The following SYNPO2 variants were observed in gnomAD, a reference collection of about 807,000 sequenced individuals.
The protein encoded by SYNPO2 is synaptopodin-2.
A neutral mutation model predicts 85.0 loss-of-function variants in SYNPO2; 56 were observed. The ratio of observed to expected loss-of-function variants is 0.66; its 90% confidence interval spans 0.53 to 0.82. The LOEUF (loss-of-function observed/expected upper bound fraction) is 0.82. SYNPO2 is among the 40% of genes least tolerant of loss of function. SYNPO2 has a pLI of 0.00. For missense variants in SYNPO2, 1,575 were observed against 1,534.2 expected (o/e 1.03, Z -0.44); for synonymous variants, 602 against 591.1 (o/e 1.02, Z -0.27).
rs1240324536 is a variant in SYNPO2 at position 118,900,422 on chromosome 4, C to A, written c.105+11281C>A. ...GTATTTTAAGGATTTGCAAGAGATA[C>A]CATTGGAACCTCAGTGGTACAAATG... On this transcript the variant is annotated intron_variant, in intron 1 of 4. Transcript: ENST00000307142. 6.6e-5 allele frequency among the ~76,000 whole-genome samples: 10 copies of A among 152,102 alleles called. No homozygotes were observed. The East Asian group carries it at 1.7e-3, about 26-fold the overall frequency.
chr4:119,003,429 A>C (rs1736896519), intron 1 of SYNPO2, among the ~76,000 whole-genome samples: 1 of 152,224 alleles, frequency 6.6e-6, no homozygotes, highest in African/African-American at 2.4e-5. Context: ...GTGGGAACAC[A>C]GAGCCAAACC....
intron 1 of SYNPO2, among the ~76,000 whole-genome samples, chr4:119,001,348 A>C (rs1736817250): frequency 6.6e-6 from 1 of 152,226 alleles, no homozygotes; most frequent in Non-Finnish European, 1.5e-5. Context: ...TTAGATACTG[A>C]CTTCTAGACT....
intron 4 of SYNPO2, chr4:119,033,791 T>C: frequency 1.0e-6 from 1 of 984,622 alleles, no homozygotes. Flanking sequence ...CTGATCTAAA[T>C]AATTTCTCTG....
rs373608479 is a variant in SYNPO2, at chr4:119,030,428, C to G, written c.1653C>G (p.Ser551Arg). Reference sequence around the variant, plus strand: ...CGGTAAGAACGCAGAGCTCTGTGAGCAAAAGCTACATCGAGGTGAGTCATG... The same window carrying G: ...CGGTAAGAACGCAGAGCTCTGTGAGGAAAAGCTACATCGAGGTGAGTCATG... ...EESVRTQSSV[S>R]KSYIEVSHGL... The change falls in exon 4 of 5, where the codon AGC (serine) becomes AGG (arginine). Residue 551 changes from serine (S) to arginine (R), a missense_variant. Transcript: ENST00000307142. 31 of 1,614,140 alleles carry G rather than the reference C, an allele frequency of 1.9e-5. No individual in the cohort carries two copies. In the African/African-American group the frequency reaches 3.9e-4, roughly 20 times the overall value.
At chr4:119,033,627 A>T in intron 4 of SYNPO2, 5 of 985,436 alleles carry the variant, frequency 5.1e-6, no homozygotes, top group Non-Finnish European at 6.0e-6. Context: ...GGTACACAGT[A>T]CCATTTTAAT....
At chr4:118,862,942 C>G (rs1454781167) in intron 1 of SYNPO2, among the ~76,000 whole-genome samples, 1 of 152,084 alleles carries the variant, frequency 6.6e-6, no homozygotes, top group Non-Finnish European at 1.5e-5. Context: ...TCCCGAGTAG[C>G]TGGGATTACA....
At chr4:118,969,960 T>C (rs1413504100) in intron 1 of SYNPO2, among the ~76,000 whole-genome samples, 2 of 152,202 alleles carry the variant, frequency 1.3e-5, no homozygotes, top group African/African-American at 4.8e-5. Flanking sequence ...AAGGAAAATA[T>C]TGAGCACTTT....
At chr4:119,038,422 T>TC in intron 4 of SYNPO2, 1 of 985,420 alleles carries the variant, frequency 1.0e-6, no homozygotes, top group Non-Finnish European at 1.2e-6. Flanking sequence ...CAAAATTCTT[T>TC]CATTTTCTTA....
chr4:118,883,728 T>G (rs1732152576), intron 1 of SYNPO2, among the ~76,000 whole-genome samples: 2 of 151,954 alleles, frequency 1.3e-5, no homozygotes, highest in African/African-American at 4.8e-5. Flanking sequence ...TTTTTTCTCT[T>G]GCTTTTATTC....
rs1455938799 is a variant in SYNPO2 at position 119,059,915 on chromosome 4, G to T, written c.*1981G>T. 1.3e-5 allele frequency: 2 copies of T among 152,068 alleles called. No individual in the cohort carries two copies. Among genetic ancestry groups the T allele is most frequent in the African/African-American group, 4.8e-5 (2 of 41,418 alleles). 9.4% of individuals were successfully genotyped at this position (152,068 alleles called of 1,614,324 possible). ...TGTAATGATCCCAAGAGTTTTTATA[G>T]AATCCTAAAAAATAACGCCTGATGT... On this transcript the variant is annotated 3_prime_UTR_variant, in exon 5 of 5. Transcript: ENST00000307142.
intron 1 of SYNPO2, among the ~76,000 whole-genome samples, chr4:118,876,960 C>A (rs1295936265): frequency 3.3e-5 from 5 of 151,258 alleles, no homozygotes; most frequent in Non-Finnish European, 7.4e-5. Context: ...TCACTCTGCC[C>A]ATCTAATTAA....
intron 1 of SYNPO2, among the ~76,000 whole-genome samples, chr4:118,969,491 G>T (rs1735452749): frequency 6.6e-6 from 1 of 152,204 alleles, no homozygotes; most frequent in Non-Finnish European, 1.5e-5. Flanking sequence ...GCTGCTCTGA[G>T]GAGGTGTGGA....
At chr4:118,919,545 A>C (rs563095390) in intron 1 of SYNPO2, among the ~76,000 whole-genome samples, 1 of 152,346 alleles carries the variant, frequency 6.6e-6, no homozygotes, top group South Asian at 2.1e-4. Context: ...TCTTCTCTTC[A>C]AAAAGCTTAC....
chr4:118,940,713 A>G (rs765222393), intron 1 of SYNPO2, among the ~76,000 whole-genome samples: 3 of 152,174 alleles, frequency 2.0e-5, no homozygotes, highest in Non-Finnish European at 2.9e-5. Context: ...TGAGTCTTCA[A>G]CAAAGACGCT....
chr4:118,975,494 G>C (rs890610646), intron 1 of SYNPO2, among the ~76,000 whole-genome samples: 1 of 152,178 alleles, frequency 6.6e-6, no homozygotes, highest in African/African-American at 2.4e-5. Flanking sequence ...CAGGACTTGG[G>C]ATATCTACTA....
intron 1 of SYNPO2, among the ~76,000 whole-genome samples, chr4:118,976,137 G>T (rs961017410): frequency 1.3e-5 from 2 of 152,106 alleles, no homozygotes; most frequent in African/African-American, 2.4e-5. Flanking sequence ...GGACTCTCGC[G>T]GTGAGTGTTA....
intron 1 of SYNPO2, among the ~76,000 whole-genome samples, chr4:118,967,870 A>T (rs1170153393): frequency 6.6e-6 from 1 of 152,158 alleles, no homozygotes; most frequent in African/African-American, 2.4e-5. Flanking sequence ...CAAAAAAAAA[A>T]AAAAAAGTCA....
At chr4:119,016,874 G>T (rs1225375705) in intron 1 of SYNPO2, among the ~76,000 whole-genome samples, 1 of 152,172 alleles carries the variant, frequency 6.6e-6, no homozygotes, top group East Asian at 1.9e-4. Flanking sequence ...AGATTCTTAA[G>T]TATGCAGCCC....
intron 1 of SYNPO2, among the ~76,000 whole-genome samples, chr4:118,873,800 G>A (rs374902150): frequency 8.6e-5 from 13 of 151,858 alleles, no homozygotes; most frequent in African/African-American, 2.9e-4. Context: ...TTTTTTCTAG[G>A]TTTTCTTCTG....
Sources: gnomAD v4.1 joint callset for allele counts (sites outside exome capture counted in the v4.1 genomes callset) on GRCh38, gnomAD v4.1.1 for gene constraint, MANE v1.5 for transcripts, NCBI Gene and HGNC (gene_info 2026-07-23, HGNC 2026-07-21) for gene names.